The following AGO3 variants were observed in gnomAD, a reference collection of about 807,000 sequenced individuals.
AGO3 encodes protein argonaute-3.
Under a neutral mutation model 105.5 loss-of-function variants are expected in AGO3, and 16 were observed. The ratio of observed to expected loss-of-function variants is 0.15; its 90% CI spans 0.10 to 0.23. The LOEUF is 0.23. Among genes scored for constraint, AGO3 ranks in the 10% least tolerant of loss-of-function variants. The probability of loss-of-function intolerance (pLI) is 1.00; values close to 1 mark genes in which losing one functional copy is unlikely to be tolerated. For missense variants in AGO3, 534 were observed against 1,088.0 expected, an observed-to-expected ratio of 0.49 and a Z score of 7.16; for synonymous variants, 340 against 367.3, an observed-to-expected ratio of 0.93 and a Z score of 0.85.
At chr1:36,030,300 A>G (rs1273733372) in intron 12 of AGO3, among the ~76,000 whole-genome samples, 1 of 152,036 alleles carries the variant, frequency 6.6e-6, no homozygotes, top group Non-Finnish European at 1.5e-5. Context: ...TCAGGAATTC[A>G]AGACTAGTCT....
At chr1:36,025,422 A>C (rs1641459259) in intron 11 of AGO3, among the ~76,000 whole-genome samples, 1 of 147,536 alleles carries the variant, frequency 6.8e-6, no homozygotes, top group Admixed American at 6.6e-5. Context: ...AAAAAAAAAA[A>C]CAAAACCATT....
chr1:36,055,210 A>G lies in AGO3; in HGVS notation c.2474+65A>G, dbSNP rs1252494780. The G allele has an allele frequency of 4.7e-6, 7 of 1,502,754 alleles. No homozygotes were observed. The Admixed American group carries it at 7.9e-5, about 17-fold the overall frequency. The allele number at this position is 1,502,754 out of a possible 1,614,324, so 93.1% of individuals were successfully genotyped here. On this transcript the variant is annotated intron_variant, in intron 18 of 18. Transcript: ENST00000373191. This position sits in a 1 kb window ranked among gnomAD's most constrained non-coding sequence, Gnocchi z 4.4. Reference sequence around the variant, plus strand: ...TATTGTCTGCATGGTAGGATTTTCAAGTTCCACAAGCTATTAGCGGAGTCA... The same window carrying G: ...TATTGTCTGCATGGTAGGATTTTCAGGTTCCACAAGCTATTAGCGGAGTCA...
At chr1:35,959,109 C>T (rs1269410902) in intron 2 of AGO3, among the ~76,000 whole-genome samples, 1 of 152,148 alleles carries the variant, frequency 6.6e-6, no homozygotes, top group Non-Finnish European at 1.5e-5. Context: ...ATAATTTGCT[C>T]TCCTCTTTTT....
rs549053655 is a variant in AGO3 at position 36,018,074 on chromosome 1, G to A, written c.1406+4026G>A. Reference sequence around the variant, plus strand: ...CGGCTCACTGCAGCCTCTGCCTCCCGGGATCAAACAATTGTCCTGCCTCAG... The same window carrying A: ...CGGCTCACTGCAGCCTCTGCCTCCCAGGATCAAACAATTGTCCTGCCTCAG... On this transcript the variant is annotated intron_variant, in intron 11 of 18. Transcript: ENST00000373191. Among the ~76,000 whole-genome samples the A allele has an allele frequency of 4.6e-5, 7 of 150,950 alleles. No homozygotes were observed. In the South Asian group the frequency reaches 1.3e-3, roughly 27 times the overall value.
chr1:36,029,828 G>A (rs1204683523), intron 12 of AGO3, among the ~76,000 whole-genome samples: 1 of 151,708 alleles, frequency 6.6e-6, no homozygotes, highest in East Asian at 1.9e-4. Context: ...TAGTAGCTGG[G>A]TCTATAGGCG....
At chr1:35,978,500 AT>A (rs113959813) in intron 5 of AGO3, among the ~76,000 whole-genome samples, 28 of 149,158 alleles carry the variant, frequency 1.9e-4, no homozygotes, top group East Asian at 3.9e-4. Flanking sequence ...CCTGAAAACA[AT>A]TTTTTTTTTT....
In AGO3 at chr1:36,046,623, T is replaced by TAAAAAAAAAAAAA. The variant is rs3073806; in HGVS notation, c.2274+3095_2274+3107dup. On this transcript the variant is annotated intron_variant, in intron 17 of 18. Coordinates refer to ENST00000373191, the MANE Select transcript of AGO3 (RefSeq NM_024852.4). ...AACAGAGTGAGACTCAGTCTCTATT[T>TAAAAAAAAAAAAA]AAAAAAAAAAAAAAAAAAAAAAAAA... Among the ~76,000 whole-genome samples the TAAAAAAAAAAAAA allele has an allele frequency of 4.6e-4, 16 of 34,468 alleles. 4 individuals are homozygous for TAAAAAAAAAAAAA. The highest frequency in any genetic ancestry group is 1.6e-3 in the African/African-American group (16 of 9,758). 22.6% of individuals were successfully genotyped at this position (34,468 alleles called of 152,430 possible).
chr1:36,014,699 A>G (rs1487634382), intron 11 of AGO3, among the ~76,000 whole-genome samples: 1 of 144,030 alleles, frequency 6.9e-6, no homozygotes, highest in Non-Finnish European at 1.5e-5. Context: ...TGAACCCAGG[A>G]GGCGGAGCTT....
chr1:36,017,307 A>G (rs1640956434), intron 11 of AGO3, among the ~76,000 whole-genome samples: 1 of 152,230 alleles, frequency 6.6e-6, no homozygotes, highest in South Asian at 2.1e-4. Context: ...ATAAGCTAGA[A>G]TAAGAGTCTA....
intron 11 of AGO3, among the ~76,000 whole-genome samples, chr1:36,024,254 T>TGA (rs1641385111): frequency 6.6e-6 from 1 of 150,504 alleles, no homozygotes; most frequent in Admixed American, 6.7e-5. Flanking sequence ...TCCTCCCACC[T>TGA]GAGCTTCCTA....
chr1:35,984,443 G>A (rs1157581898), intron 5 of AGO3: 1 of 152,222 alleles, frequency 6.6e-6, no homozygotes, highest in African/African-American at 2.4e-5. Flanking sequence ...TCACTATTGT[G>A]TTTGCTAACT....
chr1:36,009,060 T>C lies in AGO3; in HGVS notation c.1029+16T>C, dbSNP rs1296745682. 1.9e-6 allele frequency: 3 copies of C among 1,541,774 alleles called. No homozygotes were observed. The highest frequency in any genetic ancestry group is 2.6e-6 in the Non-Finnish European group (3 of 1,149,714). ...GCCACTAGAAGTAATGCCTTCACAC[T>C]GCTAATTAATACCCTGTTGTTCATG... On this transcript the variant is annotated intron_variant, in intron 8 of 18. Coordinates refer to ENST00000373191, the MANE Select transcript of AGO3 (RefSeq NM_024852.4).
chr1:35,932,956 T>C (rs1646081057), intron 1 of AGO3, among the ~76,000 whole-genome samples: 1 of 147,042 alleles, frequency 6.8e-6, no homozygotes, highest in Admixed American at 6.9e-5. Flanking sequence ...TCATATGATA[T>C]TGTGCCCATA....
At chr1:36,036,053 A>G in intron 13 of AGO3, 124 bp from the exon 14 acceptor site, 1 of 612,626 alleles carries the variant, frequency 1.6e-6, no homozygotes, top group Non-Finnish European at 2.5e-6. Flanking sequence ...AAAAAAAAAA[A>G]TTTGGATTAC....
chr1:36,033,491 A>G (rs917402756), intron 12 of AGO3, among the ~76,000 whole-genome samples: 1 of 151,816 alleles, frequency 6.6e-6, no homozygotes, highest in Non-Finnish European at 1.5e-5. Flanking sequence ...TTAAATAAAA[A>G]AAAAAAGGCT....
chr1:35,967,130 C>G (rs1434405680), intron 3 of AGO3, 55 bp downstream of exon 3: 72 of 1,561,588 alleles, frequency 4.6e-5, no homozygotes, highest in Admixed American at 1.4e-4. Flanking sequence ...TCTCCTTTTA[C>G]ACGCATTTAT....
At chr1:35,949,525 C>A (rs541729425) in intron 2 of AGO3, among the ~76,000 whole-genome samples, 49 of 152,266 alleles carry the variant, frequency 3.2e-4, no homozygotes, top group South Asian at 1.7e-3. Context: ...CTTAACAATT[C>A]CTTTTCAATA....
At chr1:36,009,638 G>A in intron 9 of AGO3, 44 bp downstream of exon 9, 1 of 1,577,296 alleles carries the variant, frequency 6.3e-7, no homozygotes, top group South Asian at 1.1e-5. Flanking sequence ...ACATATTAGG[G>A]TGAACTGTAA....
intron 6 of AGO3, among the ~76,000 whole-genome samples, chr1:36,007,625 G>A (rs1640399685): frequency 6.6e-6 from 1 of 151,522 alleles, no homozygotes; most frequent in Non-Finnish European, 1.5e-5. Context: ...TAACCCTGGA[G>A]ACAGAGGTTG....
Sources: gnomAD v4.1 joint callset for allele counts (sites outside exome capture counted in the v4.1 genomes callset) on GRCh38, gnomAD v4.1.1 for gene constraint, Gnocchi (gnomAD v3.1) non-coding constraint, MANE v1.5 for transcripts, NCBI Gene and HGNC (gene_info 2026-07-23, HGNC 2026-07-21) for gene names.